PHLPP2: variants seen among roughly 807,000 people sequenced by gnomAD.
PHLPP2 encodes the protein PH domain leucine-rich repeat-containing protein phosphatase 2.
A neutral mutation model predicts 124.9 loss-of-function variants in PHLPP2; 66 were observed. The ratio of observed to expected loss-of-function variants is 0.53; its 90% CI spans 0.43 to 0.65. The LOEUF (loss-of-function observed/expected upper bound fraction) is 0.65, where lower values mean the gene tolerates loss of function less well. Among genes scored for constraint, PHLPP2 ranks in the 30% least tolerant of loss-of-function variants. PHLPP2 has a pLI of 0.00. For synonymous variants in PHLPP2, 681 were observed against 624.7 expected, an observed-to-expected ratio of 1.09 and a Z score of -1.34; for missense variants, 1,685 against 1,600.4, an observed-to-expected ratio of 1.05 and a Z score of -0.90.
At chr16:71,723,435 C>G (rs1407535929) in intron 1 of PHLPP2, 1 of 152,774 alleles carries the variant, frequency 6.5e-6, no homozygotes, top group African/African-American at 2.4e-5. Flanking sequence ...GCCCCGAGCG[C>G]GGCGAGGCAA....
intron 1 of PHLPP2, 143 bp from the exon 2 acceptor site, chr16:71,714,944 T>C (rs2045351368): frequency 1.0e-6 from 1 of 979,338 alleles, no homozygotes; most frequent in Non-Finnish European, 1.5e-6. Flanking sequence ...ACTTCACATC[T>C]ATCATGCTCA....
intron 1 of PHLPP2, among the ~76,000 whole-genome samples, chr16:71,718,105 C>A (rs1461982935): frequency 6.6e-6 from 1 of 152,028 alleles, no homozygotes; most frequent in Admixed American, 6.6e-5. Context: ...GTTGCCCAGG[C>A]TGGTCTTGAA....
At chr16:71,666,557 A>C (rs1000470221) in intron 12 of PHLPP2, among the ~76,000 whole-genome samples, 1 of 152,124 alleles carries the variant, frequency 6.6e-6, no homozygotes, top group Non-Finnish European at 1.5e-5. Context: ...AAAACAAATA[A>C]ACTCCACAAA....
At chr16:71,697,215 T>TAAATA (rs1555547739) in intron 3 of PHLPP2, among the ~76,000 whole-genome samples, 7,606 of 82,476 alleles carry the variant, frequency 0.092, 262 homozygotes, top group South Asian at 0.2. Flanking sequence ...AATAAATAAA[T>TAAATA]AAAAAGAAAC....
At chr16:71,690,044 G>A (rs1200758922) in intron 4 of PHLPP2, among the ~76,000 whole-genome samples, 2 of 152,094 alleles carry the variant, frequency 1.3e-5, no homozygotes, top group Non-Finnish European at 2.9e-5. Context: ...CATTCTGTTT[G>A]ACTAACAAGT....
intron 6 of PHLPP2, among the ~76,000 whole-genome samples, chr16:71,680,269 A>G (rs1446415045): frequency 1.3e-5 from 2 of 152,220 alleles, no homozygotes; most frequent in Non-Finnish European, 2.9e-5. Context: ...AAATAGGTAG[A>G]TCAAATCCCA....
At chr16:71,693,274 G>A (rs55829421) in intron 3 of PHLPP2, among the ~76,000 whole-genome samples, 5,561 of 152,082 alleles carry the variant, frequency 0.037, 340 homozygotes, top group African/African-American at 0.13. Flanking sequence ...GGGACAAAGC[G>A]AGACTCTGTC....
chr16:71,646,882 C>T lies in PHLPP2; in HGVS notation c.*2008G>A, dbSNP rs886964144. On this transcript the variant is annotated 3_prime_UTR_variant, in exon 19 of 19. Transcript: ENST00000568954. ...ATCTGGGGACTCAAGTTCAGATTCT[C>T]GAGGGGTTGAACATTAGACATCCAT... The T allele has an allele frequency of 6.6e-6, 1 of 152,228 alleles. No homozygotes were observed. The highest frequency in any genetic ancestry group is 1.9e-4 in the East Asian group (1 of 5,196). 9.4% of individuals were successfully genotyped at this position (152,228 alleles called of 1,614,324 possible). A position where few individuals can be genotyped will look rare whatever the true frequency, so the allele number is the denominator to read the frequency against.
chr16:71,715,835 A>C (rs532492961), intron 1 of PHLPP2, among the ~76,000 whole-genome samples: 8 of 150,414 alleles, frequency 5.3e-5, no homozygotes, highest in Admixed American at 1.3e-4. Context: ...AAAAAAAAAA[A>C]AAAACAAAAA....
chr16:71,703,248 G>A (rs1160299547), intron 2 of PHLPP2, among the ~76,000 whole-genome samples: 2 of 152,002 alleles, frequency 1.3e-5, no homozygotes, highest in African/African-American at 4.8e-5. Flanking sequence ...ACTTTTTGGT[G>A]TCAGGACCCC....
At chr16:71,723,779 C>T in intron 1 of PHLPP2, 1 of 1,335,474 alleles carries the variant, frequency 7.5e-7, no homozygotes, top group Non-Finnish European at 9.7e-7. Context: ...CTTCAGGACC[C>T]GGATCCCTCC....
At chr16:71,657,887 C>T (rs2044755526) in intron 15 of PHLPP2, among the ~76,000 whole-genome samples, 1 of 152,134 alleles carries the variant, frequency 6.6e-6, no homozygotes, top group Non-Finnish European at 1.5e-5. Flanking sequence ...AGCCAACCAT[C>T]TATTTATGTT....
chr16:71,656,191 C>G (rs1444852004), intron 16 of PHLPP2, among the ~76,000 whole-genome samples: 1 of 152,056 alleles, frequency 6.6e-6, no homozygotes, highest in Non-Finnish European at 1.5e-5. Context: ...GGTTTGGTCA[C>G]TTTGGGGAGG....
At chr16:71,682,641 G>A (rs2045013257) in intron 5 of PHLPP2, among the ~76,000 whole-genome samples, 1 of 152,126 alleles carries the variant, frequency 6.6e-6, no homozygotes, top group Non-Finnish European at 1.5e-5. Context: ...CAAGCACACA[G>A]CACACTGCTA....
chr16:71,683,129 C>T (rs13380425), intron 5 of PHLPP2, among the ~76,000 whole-genome samples: 68,869 of 151,566 alleles, frequency 0.45, 16,179 homozygotes, highest in Middle Eastern at 0.63. Flanking sequence ...CAAGACTATA[C>T]CACTGCACTC....
intron 2 of PHLPP2, among the ~76,000 whole-genome samples, chr16:71,712,635 C>T (rs565294774): frequency 1.3e-5 from 2 of 152,254 alleles, no homozygotes; most frequent in African/African-American, 4.8e-5. Flanking sequence ...CTGATCCTTT[C>T]GTTTTACAAA....
intron 2 of PHLPP2, among the ~76,000 whole-genome samples, chr16:71,704,742 C>A (rs977133270): frequency 4.6e-5 from 7 of 152,084 alleles, no homozygotes; most frequent in Non-Finnish European, 8.8e-5. Context: ...TAATCCCTAG[C>A]CAAACAAAAC....
chr16:71,670,676 T>C (rs1038454591), intron 10 of PHLPP2, among the ~76,000 whole-genome samples: 5 of 33,840 alleles, frequency 1.5e-4, no homozygotes, highest in South Asian at 1.7e-3. Context: ...GTGTACAGAC[T>C]AAGAAAAAAG....
At chr16:71,664,165 A>G in intron 12 of PHLPP2, 66 bp from the exon 13 acceptor site, 1 of 1,059,424 alleles carries the variant, frequency 9.4e-7, no homozygotes, top group Non-Finnish European at 1.5e-6. Context: ...TATAGAAACC[A>G]TCATGTCACC....
Sources: allele counts gnomAD v4.1 joint callset (sites outside exome capture counted in the v4.1 genomes callset), GRCh38; gene constraint gnomAD v4.1.1; transcripts MANE v1.5; gene names NCBI Gene and HGNC (gene_info 2026-07-23, HGNC 2026-07-21).